The following RNF144B variants were observed in gnomAD, a reference collection of about 807,000 sequenced individuals.
RNF144B encodes the protein ring finger protein 144B.
RNF144B carries 25 observed loss-of-function variants against 40.2 expected under a neutral mutation model. The ratio of observed to expected loss-of-function variants is 0.62; its 90% CI spans 0.45 to 0.87. The LOEUF (loss-of-function observed/expected upper bound fraction) is 0.87, where lower values mean the gene tolerates loss of function less well. RNF144B is among the 40% of genes least tolerant of loss of function. RNF144B has a pLI of 0.00. For synonymous variants in RNF144B, 145 were observed against 136.3 expected, an observed-to-expected ratio of 1.06 and a Z score of -0.44; for missense variants, 365 against 373.7, an observed-to-expected ratio of 0.98 and a Z score of 0.19.
chr6:18,387,865 T>C (rs1794493188), intron 1 of RNF144B, among the ~76,000 whole-genome samples: 1 of 152,226 alleles, frequency 6.6e-6, no homozygotes, highest in African/African-American at 2.4e-5. Flanking sequence ...AAACAGTTTC[T>C]ATAATAGAAT....
rs1407470747 is a variant in RNF144B, at chr6:18,464,956, C to G, written c.801C>G (p.Ile267Met). 6.2e-6 allele frequency: 10 copies of G among 1,613,864 alleles called. No individual in the cohort carries two copies. Among genetic ancestry groups the G allele is most frequent in the Admixed American group, 1.7e-5 (1 of 59,980 alleles). ...QVVGILVGLG[I>M]IALVTSPLLL... ...TGGGGATTCTCGTAGGCTTGGGCAT[C>G]ATTGCCTTGGTTACTTCACCCTTGT... Residue 267 changes from isoleucine (I) to methionine (M), a missense_variant, in exon 8 of 8, where the codon ATC becomes ATG. By Grantham distance (10) the Ile-to-Met change is conservative. Transcript: ENST00000259939. This position sits in a 1 kb window ranked among gnomAD's most constrained non-coding sequence, Gnocchi z 6.1.
chr6:18,391,029 A>G (rs1794568429), intron 1 of RNF144B, among the ~76,000 whole-genome samples: 1 of 152,202 alleles, frequency 6.6e-6, no homozygotes, highest in Non-Finnish European at 1.5e-5. Context: ...AAATTTCTAT[A>G]TGAAACTTTT....
chr6:18,439,670 G>A lies in RNF144B; in HGVS notation c.271-14G>A. On this transcript the variant is annotated splice_polypyrimidine_tract_variant and intron_variant, in intron 3 of 7. Transcript: ENST00000259939. ...GATGACTGAAGTCTCAACCTTTTATGTCTCTGGTTTCAGATTGCCTGTTTG... is the reference window on the plus strand; with the variant it reads ...GATGACTGAAGTCTCAACCTTTTATATCTCTGGTTTCAGATTGCCTGTTTG... 6.2e-7 allele frequency: 1 copy of A among 1,605,080 alleles called. No individual in the cohort carries two copies. The highest frequency in any genetic ancestry group is 8.5e-7 in the Non-Finnish European group (1 of 1,171,898).
At chr6:18,440,822 G>A (rs1163595307) in intron 4 of RNF144B, among the ~76,000 whole-genome samples, 1 of 144,086 alleles carries the variant, frequency 6.9e-6, no homozygotes. Context: ...AAATCCAGCA[G>A]CCAAAACCAG....
At position 18,395,520 on chromosome 6, in the gene RNF144B, T is replaced by C. The variant is rs1348872722; in HGVS notation, c.-36-3979T>C. ...AGGCTTTCAGGATTCTCCTGTTTAC[T>C]GATTGAAGAGCTCATTTTGCAATGA... On this transcript the variant is annotated intron_variant, in intron 1 of 7. Transcript: ENST00000259939. This position sits in a 1 kb window ranked among gnomAD's most constrained non-coding sequence, Gnocchi z 4.5. Among the ~76,000 whole-genome samples the C allele has an allele frequency of 6.6e-6, 1 of 152,190 alleles. No homozygotes were observed. Among genetic ancestry groups the C allele is most frequent in the Non-Finnish European group, 1.5e-5 (1 of 68,038 alleles).
chr6:18,396,845 G>A lies in RNF144B; in HGVS notation c.-36-2654G>A, dbSNP rs191196836. The A allele has an allele frequency of 3.5e-3, 3,424 of 983,210 alleles. 15 individuals are homozygous for A. The highest frequency in any genetic ancestry group is 4.7e-3 in the Admixed American group (77 of 16,262). The allele number at this position is 983,210 out of a possible 1,614,324, so 60.9% of individuals were successfully genotyped here. A position where few individuals can be genotyped will look rare whatever the true frequency, so the allele number is the denominator to read the frequency against. ...AAGGTAAAGTCATTCATTTTTACCC[G>A]TATGTTTATCATAAAGAGAGATTTT... On this transcript the variant is annotated intron_variant, in intron 1 of 7. Transcript: ENST00000259939.
rs115420833 is a variant in RNF144B at position 18,400,650 on chromosome 6, A to G, written c.165+951A>G. On this transcript the variant is annotated intron_variant, in intron 2 of 7. Coordinates refer to ENST00000259939, the MANE Select transcript of RNF144B (RefSeq NM_182757.4). This position sits in a 1 kb window ranked among gnomAD's most constrained non-coding sequence, Gnocchi z 5.6. The stretch of plus-strand genomic sequence containing the variant: ...GATTGAGTTCCTGTAGGCTTCAGTG[A>G]TGACACAGAATAGCATTGTTCATTT... Among the ~76,000 whole-genome samples the G allele has an allele frequency of 2.6e-5, 4 of 152,308 alleles. No individual in the cohort carries two copies. The highest frequency in any genetic ancestry group is 9.6e-5 in the African/African-American group (4 of 41,560).
intron 1 of RNF144B, chr6:18,396,744 CTG>C: frequency 1.0e-6 from 1 of 985,300 alleles, no homozygotes; most frequent in Non-Finnish European, 1.2e-6. Context: ...GTTGGTGGGA[CTG>C]TGTGCCATGA....
Position 18,421,273 on chromosome 6 carries a change from TACACACACACAC to T in RNF144B, c.166-6276_166-6265del, listed in dbSNP as rs1170609706. On this transcript the variant is annotated intron_variant, in intron 2 of 7. Coordinates refer to ENST00000259939, the MANE Select transcript of RNF144B (RefSeq NM_182757.4). ...TCTCAAAAAAAAAAATTATATATTA[TACACACACACAC>T]ACACACACACACACACACACACACA... is the stretch of plus-strand genomic sequence containing the variant. Among the ~76,000 whole-genome samples the T allele has an allele frequency of 9.8e-4, 100 of 102,306 alleles. 1 individual carries two copies. Among genetic ancestry groups the T allele is most frequent in the African/African-American group, 3.3e-3 (93 of 28,004 alleles). 67.1% of individuals were successfully genotyped at this position (102,306 alleles called of 152,430 possible).
chr6:18,444,877 C>T lies in RNF144B; in HGVS notation c.331+5133C>T, dbSNP rs6918686. On this transcript the variant is annotated intron_variant, in intron 4 of 7. Transcript: ENST00000259939. This position sits in a 1 kb window ranked among gnomAD's most constrained non-coding sequence, Gnocchi z 4.3. The stretch of plus-strand genomic sequence containing the variant: ...ATTCTCCTCAAGCCTCCTTTCATTT[C>T]ATGTCTTCACATTTATGATATTACT... Among the ~76,000 whole-genome samples, 19,017 of 152,218 alleles carry T rather than the reference C, an allele frequency of 0.12. 1,365 individuals carry two copies. The highest frequency in any genetic ancestry group is 0.19 in the Admixed American group (2,955 of 15,276).
In RNF144B at chr6:18,425,056, G is replaced by GGTGT. The variant is rs10616768; in HGVS notation, c.166-2510_166-2507dup. Among the ~76,000 whole-genome samples, 4,617 of 151,182 alleles carry GGTGT rather than the reference G, an allele frequency of 0.031. 150 individuals carry two copies. The highest frequency in any genetic ancestry group is 0.16 in the South Asian group (781 of 4,800). On this transcript the variant is annotated intron_variant, in intron 2 of 7. Coordinates refer to ENST00000259939, the MANE Select transcript of RNF144B (RefSeq NM_182757.4). This position sits in a 1 kb window ranked among gnomAD's most constrained non-coding sequence, Gnocchi z 4.2. ...TTTCACGTGTATGTGTGTATGTGTG[G>GGTGT]GTGTGTGTGTGTGTGTGTTAAAACC... is the stretch of plus-strand genomic sequence containing the variant.
At chr6:18,388,023 A>G (rs192019328) in intron 1 of RNF144B, among the ~76,000 whole-genome samples, 3 of 152,312 alleles carry the variant, frequency 2.0e-5, no homozygotes, top group South Asian at 4.1e-4. Flanking sequence ...TACGAGAGCC[A>G]TTCTCAAATT....
At position 18,419,454 on chromosome 6, in the gene RNF144B, G is replaced by GT. The variant is rs1304820158; in HGVS notation, c.166-8124dup. Among the ~76,000 whole-genome samples the GT allele has an allele frequency of 2.0e-5, 3 of 152,158 alleles. No individual in the cohort carries two copies. The East Asian group carries it at 5.8e-4, about 29-fold the overall frequency. ...AGGAAGAAAGTGTAGAAAGAAGAGA[G>GT]TTTAGGTCCTTTCCTGAAATTCCAG... On this transcript the variant is annotated intron_variant, in intron 2 of 7. Transcript: ENST00000259939. This position sits in a 1 kb window ranked among gnomAD's most constrained non-coding sequence, Gnocchi z 4.6.
intron 4 of RNF144B, among the ~76,000 whole-genome samples, chr6:18,451,405 G>A (rs936787447): frequency 1.3e-5 from 2 of 152,128 alleles, no homozygotes; most frequent in Non-Finnish European, 2.9e-5. Context: ...AATTGAAGTC[G>A]AGGCTTACTT....
chr6:18,430,094 G>A (rs1040875544), intron 3 of RNF144B, among the ~76,000 whole-genome samples: 7 of 152,130 alleles, frequency 4.6e-5, no homozygotes, highest in Admixed American at 1.3e-4. Flanking sequence ...GACATTTATC[G>A]GATTCCTGTA....
chr6:18,459,799 G>T lies in RNF144B; in HGVS notation c.681+48G>T. Reference sequence around the variant, plus strand: ...GTATGGTGTTTCCTATACTGTATCTGCACCACAGCTGATATCCTACAGATT... The same window carrying T: ...GTATGGTGTTTCCTATACTGTATCTTCACCACAGCTGATATCCTACAGATT... On this transcript the variant is annotated intron_variant, in intron 6 of 7. Coordinates refer to ENST00000259939, the MANE Select transcript of RNF144B (RefSeq NM_182757.4). This position sits in a 1 kb window ranked among gnomAD's most constrained non-coding sequence, Gnocchi z 4.2. 6.6e-7 allele frequency: 1 copy of T among 1,526,036 alleles called. No individual in the cohort carries two copies. The highest frequency in any genetic ancestry group is 9.0e-7 in the Non-Finnish European group (1 of 1,116,658). 94.5% of individuals were successfully genotyped at this position (1,526,036 alleles called of 1,614,324 possible).
At chr6:18,407,777 C>T (rs1317993481) in intron 2 of RNF144B, among the ~76,000 whole-genome samples, 1 of 151,828 alleles carries the variant, frequency 6.6e-6, no homozygotes, top group Non-Finnish European at 1.5e-5. Context: ...AGAGGGCGGA[C>T]GTCAGATTAC....
Position 18,466,986 on chromosome 6 carries a change from ACT to A in RNF144B, c.*1922_*1923del, listed in dbSNP as rs2113546538. On this transcript the variant is annotated 3_prime_UTR_variant, in exon 8 of 8. Transcript: ENST00000259939. ...CAATATTGTGTCTTTTTCTTTTGAA[ACT>A]CTAAACACTTCAGAAAAAAACACTA... is the stretch of plus-strand genomic sequence containing the variant. The A allele has an allele frequency of 6.6e-6, 1 of 152,182 alleles. No homozygotes were observed. Among genetic ancestry groups the A allele is most frequent in the South Asian group, 2.1e-4 (1 of 4,794 alleles). The allele number at this position is 152,182 out of a possible 1,614,324, so 9.4% of individuals were successfully genotyped here.
chr6:18,404,332 T>A (rs1247188291), intron 2 of RNF144B, among the ~76,000 whole-genome samples: 1 of 152,232 alleles, frequency 6.6e-6, no homozygotes, highest in Non-Finnish European at 1.5e-5. Flanking sequence ...CAGGCTCAAG[T>A]TCAGGCTTTG....
Sources: gnomAD v4.1 joint callset for allele counts (sites outside exome capture counted in the v4.1 genomes callset) on GRCh38, gnomAD v4.1.1 for gene constraint, Gnocchi (gnomAD v3.1) non-coding constraint, MANE v1.5 for transcripts, NCBI Gene and HGNC (gene_info 2026-07-23, HGNC 2026-07-21) for gene names.